TAFA2: variants seen among roughly 807,000 people sequenced by gnomAD.
TAFA2 encodes TAFA chemokine like family member 2, also known as chemokine-like protein TAFA-2.
TAFA2 carries 7 observed loss-of-function variants against 18.8 expected under a neutral mutation model. The ratio of observed to expected loss-of-function variants is 0.37; its 90% confidence interval spans 0.21 to 0.70. The LOEUF (loss-of-function observed/expected upper bound fraction) is 0.70. Among genes scored for constraint, TAFA2 ranks in the 30% least tolerant of loss-of-function variants. The pLI is 0.53. For synonymous variants in TAFA2, 60 were observed against 54.2 expected, an observed-to-expected ratio of 1.11 and a Z score of -0.47; for missense variants, 122 against 158.1, an observed-to-expected ratio of 0.77 and a Z score of 1.23.
At chr12:61,841,373 A>G (rs572610761) in intron 2 of TAFA2, among the ~76,000 whole-genome samples, 2 of 152,240 alleles carry the variant, frequency 1.3e-5, no homozygotes, top group East Asian at 3.9e-4. Context: ...TGAAGGATAC[A>G]AAGTTAACCA....
At chr12:61,746,474 C>A (rs1463881318) in intron 4 of TAFA2, among the ~76,000 whole-genome samples, 1 of 152,018 alleles carries the variant, frequency 6.6e-6, no homozygotes, top group African/African-American at 2.4e-5. Context: ...CTAACAATAG[C>A]CTGAATGAGC....
At chr12:61,953,508 A>C (rs1026546241) in intron 1 of TAFA2, among the ~76,000 whole-genome samples, 1 of 152,194 alleles carries the variant, frequency 6.6e-6, no homozygotes, top group Admixed American at 6.5e-5. Context: ...ATTACTGTCA[A>C]TCACTCACTG....
chr12:62,060,432 A>G (rs1882314540), intron 1 of TAFA2, among the ~76,000 whole-genome samples: 1 of 152,236 alleles, frequency 6.6e-6, no homozygotes, highest in Non-Finnish European at 1.5e-5. Flanking sequence ...ATGCTGGTGT[A>G]AACAAACTTA....
intron 4 of TAFA2, among the ~76,000 whole-genome samples, chr12:61,733,745 T>C (rs1405276599): frequency 1.3e-5 from 2 of 151,946 alleles, no homozygotes; most frequent in Non-Finnish European, 2.9e-5. Flanking sequence ...AGGATTGACT[T>C]GGCGATGCTG....
rs185220515 is a variant in TAFA2 at position 61,961,189 on chromosome 12, C to T, written c.-1-93763G>A. 2.8e-3 allele frequency among the ~76,000 whole-genome samples: 418 copies of T among 151,882 alleles called. 4 individuals carry two copies. The highest frequency in any genetic ancestry group is 9.5e-3 in the African/African-American group (393 of 41,488). ...GCCACACACTTGTAAACCATCAGATCTCTGAGAACTCACTCACTAGCAGAA... is the reference window on the plus strand; with the variant it reads ...GCCACACACTTGTAAACCATCAGATTTCTGAGAACTCACTCACTAGCAGAA... On this transcript the variant is annotated intron_variant, in intron 1 of 4. Coordinates refer to ENST00000416284, the MANE Select transcript of TAFA2 (RefSeq NM_178539.5).
intron 1 of TAFA2, among the ~76,000 whole-genome samples, chr12:62,050,622 A>G (rs1882028234): frequency 6.6e-6 from 1 of 152,138 alleles, no homozygotes; most frequent in African/African-American, 2.4e-5. Flanking sequence ...ATTCCCTTGT[A>G]TAACAAATGG....
intron 2 of TAFA2, among the ~76,000 whole-genome samples, chr12:61,782,103 G>C (rs540598678): frequency 1.3e-5 from 2 of 151,534 alleles, no homozygotes; most frequent in East Asian, 3.9e-4. Context: ...TGATCCCGAA[G>C]GTATAAAATA....
At chr12:61,785,557 AAAT>A (rs1870703168) in intron 2 of TAFA2, among the ~76,000 whole-genome samples, 1 of 151,526 alleles carries the variant, frequency 6.6e-6, no homozygotes, top group Non-Finnish European at 1.5e-5. Flanking sequence ...GTTGGCAATG[AAAT>A]AATAACTATA....
intron 1 of TAFA2, among the ~76,000 whole-genome samples, chr12:61,955,640 T>A (rs1372374266): frequency 2.7e-3 from 57 of 20,820 alleles, no homozygotes; most frequent in East Asian, 0.01. Flanking sequence ...AAAATATATA[T>A]ATATATATAT....
chr12:62,165,356 A>G (rs751142075), intron 1 of TAFA2, among the ~76,000 whole-genome samples: 4 of 151,944 alleles, frequency 2.6e-5, no homozygotes, highest in Non-Finnish European at 5.9e-5. Flanking sequence ...AAGGCATGGA[A>G]CTTTCCAAAG....
intron 2 of TAFA2, among the ~76,000 whole-genome samples, chr12:61,832,822 A>C (rs1050324291): frequency 1.3e-5 from 2 of 151,162 alleles, no homozygotes; most frequent in Non-Finnish European, 2.9e-5. Flanking sequence ...CCTCTAGCAA[A>C]CTCTTAAAAG....
intron 4 of TAFA2, among the ~76,000 whole-genome samples, chr12:61,748,225 G>C (rs1027170616): frequency 6.6e-6 from 1 of 152,122 alleles, no homozygotes. Context: ...TAGCATACAT[G>C]AGTGTGCATA....
chr12:62,143,601 G>C (rs1383184153), intron 1 of TAFA2, among the ~76,000 whole-genome samples: 2 of 152,088 alleles, frequency 1.3e-5, no homozygotes, highest in South Asian at 4.1e-4. Context: ...TAGCTGGCTA[G>C]ACCAATACAG....
chr12:62,213,494 T>C (rs1238679417), intron 1 of TAFA2, among the ~76,000 whole-genome samples: 1 of 151,978 alleles, frequency 6.6e-6, no homozygotes, highest in Non-Finnish European at 1.5e-5. Flanking sequence ...AATACAAAAA[T>C]TAGCTGGGCA....
intron 1 of TAFA2, among the ~76,000 whole-genome samples, chr12:61,952,053 G>T (rs1878487457): frequency 6.6e-6 from 1 of 152,052 alleles, no homozygotes; most frequent in Non-Finnish European, 1.5e-5. Context: ...AATTACCAAA[G>T]AAAATAATTC....
intron 2 of TAFA2, among the ~76,000 whole-genome samples, chr12:61,801,662 G>T (rs1871402248): frequency 6.6e-6 from 1 of 152,052 alleles, no homozygotes; most frequent in Admixed American, 6.5e-5. Flanking sequence ...ACTACTAGAA[G>T]AAAGCATCGG....
At chr12:61,724,002 T>A (rs1207427328) in intron 4 of TAFA2, among the ~76,000 whole-genome samples, 1 of 152,136 alleles carries the variant, frequency 6.6e-6, no homozygotes, top group Admixed American at 6.6e-5. Context: ...AAATTTCCTG[T>A]AATAGAACAC....
chr12:61,729,736 C>T (rs1026679695), intron 4 of TAFA2, among the ~76,000 whole-genome samples: 20 of 151,984 alleles, frequency 1.3e-4, no homozygotes, highest in African/African-American at 4.8e-4. Flanking sequence ...TCAGAGATTT[C>T]TTCTTGATTT....
At chr12:62,186,745 G>T (rs1382084136) in intron 1 of TAFA2, among the ~76,000 whole-genome samples, 1 of 152,044 alleles carries the variant, frequency 6.6e-6, no homozygotes, top group Non-Finnish European at 1.5e-5. Flanking sequence ...AAACATATAA[G>T]CTCTGATTCC....
Sources: allele counts gnomAD v4.1 joint callset (sites outside exome capture counted in the v4.1 genomes callset), GRCh38; gene constraint gnomAD v4.1.1; transcripts MANE v1.5; gene names NCBI Gene and HGNC (gene_info 2026-07-23, HGNC 2026-07-21).